UNC13C: variants seen among roughly 807,000 people sequenced by gnomAD.
UNC13C encodes the protein unc-13 homolog C.
Under a neutral mutation model 245.4 loss-of-function variants are expected in UNC13C, and 174 were observed. The ratio of observed to expected loss-of-function variants is 0.71; its 90% confidence interval spans 0.63 to 0.80. The LOEUF is 0.80. Among genes scored for constraint, UNC13C ranks in the 30% least tolerant of loss-of-function variants. UNC13C has a pLI of 0.00. For missense variants in UNC13C, 2,829 were observed against 2,602.9 expected (o/e 1.09, Z -1.89); for synonymous variants, 992 against 895.1 (o/e 1.11, Z -1.93).
the UNC13C span, among the ~76,000 whole-genome samples, chr15:53,938,262 T>TAAAAAAAGACA: frequency 1.3e-5 from 2 of 151,766 alleles, no homozygotes; most frequent in Admixed American, 6.6e-5. Flanking sequence ...CCAATAAAGA[T>TAAAAAAAGACA]AAAAAAAGAC....
At chr15:53,898,124 T>G in the UNC13C span, among the ~76,000 whole-genome samples, 2 of 152,282 alleles carry the variant, frequency 1.3e-5, no homozygotes, top group East Asian at 3.9e-4. Context: ...TCTACATTAC[T>G]TCCTCCTGCT....
At chr15:54,301,230 A>G (rs1487974357) in intron 13 of UNC13C, among the ~76,000 whole-genome samples, 1 of 151,770 alleles carries the variant, frequency 6.6e-6, no homozygotes, top group South Asian at 2.1e-4. Flanking sequence ...TAAGAAGTCA[A>G]TTTCAATCAT....
At chr15:54,281,629 T>G (rs901298516) in intron 10 of UNC13C, among the ~76,000 whole-genome samples, 9 of 152,182 alleles carry the variant, frequency 5.9e-5, no homozygotes, top group African/African-American at 2.2e-4. Flanking sequence ...TTGAAAAGAA[T>G]GCATGCATTC....
intron 2 of UNC13C, among the ~76,000 whole-genome samples, chr15:54,114,418 G>A (rs10851553): frequency 0.63 from 96,255 of 151,916 alleles, 30,497 homozygotes; most frequent in East Asian, 0.72. Context: ...GTAGAAGTGG[G>A]GCTTTGTGAT....
intron 17 of UNC13C, among the ~76,000 whole-genome samples, chr15:54,351,529 C>A (rs1366987711): frequency 6.6e-6 from 1 of 152,116 alleles, no homozygotes; most frequent in Non-Finnish European, 1.5e-5. Context: ...AGAAGTTACA[C>A]AGTTCTTTAT....
intron 10 of UNC13C, among the ~76,000 whole-genome samples, chr15:54,293,625 G>T (rs1332549974): frequency 5.9e-5 from 9 of 152,044 alleles, no homozygotes; most frequent in African/African-American, 2.2e-4. Flanking sequence ...CACAAGCAAA[G>T]ATTTCTTACC....
intron 30 of UNC13C, among the ~76,000 whole-genome samples, chr15:54,583,747 C>T (rs866784026): frequency 3.9e-5 from 6 of 152,218 alleles, no homozygotes; most frequent in Non-Finnish European, 7.3e-5. Flanking sequence ...CTGGGTAACA[C>T]TTCCCCTCCC....
At chr15:54,367,229 C>T (rs948444702) in intron 17 of UNC13C, among the ~76,000 whole-genome samples, 12 of 152,248 alleles carry the variant, frequency 7.9e-5, no homozygotes, top group African/African-American at 2.9e-4. Context: ...TAGTTCTTCC[C>T]ATGTATGGCT....
intron 17 of UNC13C, among the ~76,000 whole-genome samples, chr15:54,375,974 T>C (rs1357904913): frequency 6.6e-6 from 1 of 152,254 alleles, no homozygotes; most frequent in East Asian, 1.9e-4. Context: ...TTCCCCTTTT[T>C]TTAATCACAA....
At chr15:53,955,136 G>C in the UNC13C span, among the ~76,000 whole-genome samples, 50,147 of 151,966 alleles carry the variant, frequency 0.33, 8,272 homozygotes, top group African/African-American at 0.35. Context: ...CATACATTTT[G>C]ATTGCAAGCT....
At chr15:54,184,312 A>T (rs1015022102) in intron 4 of UNC13C, among the ~76,000 whole-genome samples, 7 of 152,064 alleles carry the variant, frequency 4.6e-5, no homozygotes, top group African/African-American at 9.7e-5. Context: ...CGTGTGCACA[A>T]CGTGCGGGTT....
chr15:54,284,906 CTT>C (rs1382205810), intron 10 of UNC13C, among the ~76,000 whole-genome samples: 1 of 151,988 alleles, frequency 6.6e-6, no homozygotes, highest in East Asian at 1.9e-4. Flanking sequence ...TATTCTGCAA[CTT>C]TATCTGCGGA....
chr15:53,874,098 A>G, the UNC13C span, among the ~76,000 whole-genome samples: 1 of 151,868 alleles, frequency 6.6e-6, no homozygotes, highest in South Asian at 2.1e-4. Context: ...ATCTCAGCCT[A>G]CTGAGTAGCT....
chr15:53,860,100 C>A, the UNC13C span, among the ~76,000 whole-genome samples: 1 of 152,118 alleles, frequency 6.6e-6, no homozygotes, highest in South Asian at 2.1e-4. Flanking sequence ...ATATTGATGA[C>A]CCCTTGTTGA....
rs1187612198 is a variant in UNC13C, at chr15:53,997,657, A to T, written c.-256-14991A>T. 2.6e-5 allele frequency among the ~76,000 whole-genome samples: 4 copies of T among 152,246 alleles called. No individual in the cohort carries two copies. The South Asian group carries it at 6.2e-4, about 24-fold the overall frequency. On this transcript the variant is annotated intron_variant, in intron 1 of 32. Transcript: ENST00000260323. ...TTGTACCTTTGTAAAAATTAAAGTT[A>T]TCTATACACATGTGTCTATTTCTGG...
chr15:53,901,464 G>T, the UNC13C span, among the ~76,000 whole-genome samples: 1 of 151,790 alleles, frequency 6.6e-6, no homozygotes, highest in South Asian at 2.1e-4. Flanking sequence ...GACCTCAGGT[G>T]ATCTGCCTGC....
intron 22 of UNC13C, among the ~76,000 whole-genome samples, chr15:54,506,669 G>T (rs1894490056): frequency 6.6e-6 from 1 of 152,014 alleles, no homozygotes; most frequent in Non-Finnish European, 1.5e-5. Flanking sequence ...TAACTCTTTG[G>T]AGTGTCTCCC....
intron 17 of UNC13C, among the ~76,000 whole-genome samples, chr15:54,347,987 T>TA (rs1412823196): frequency 2.6e-5 from 4 of 152,206 alleles, no homozygotes; most frequent in Non-Finnish European, 5.9e-5. Context: ...AAATAGGTAA[T>TA]ACAGTATTAT....
intron 2 of UNC13C, among the ~76,000 whole-genome samples, chr15:54,043,261 A>C (rs958533610): frequency 2.6e-5 from 4 of 152,244 alleles, no homozygotes; most frequent in South Asian, 2.1e-4. Context: ...TTTCATCAGG[A>C]GATCACTATG....
Sources: allele counts gnomAD v4.1 joint callset (sites outside exome capture counted in the v4.1 genomes callset), GRCh38; gene constraint gnomAD v4.1.1; transcripts MANE v1.5; gene names NCBI Gene and HGNC (gene_info 2026-07-23, HGNC 2026-07-21).